LMBR1: variants seen among roughly 807,000 people sequenced by gnomAD.
LMBR1 encodes limb development membrane protein 1.
In LMBR1, 52 loss-of-function variants were observed where a neutral mutation model predicts 73.9. That is an observed-to-expected ratio of 0.70 (90% confidence interval 0.56 to 0.89). LMBR1 has a LOEUF of 0.89. LMBR1 is among the 40% of genes least tolerant of loss of function. The pLI is 0.00. For missense variants in LMBR1, 539 were observed against 579.8 expected, an observed-to-expected ratio of 0.93 and a Z score of 0.72; for synonymous variants, 215 against 209.4, an observed-to-expected ratio of 1.03 and a Z score of -0.23.
intron 4 of LMBR1, among the ~76,000 whole-genome samples, chr7:156,800,448 A>G (rs1830744372): frequency 6.9e-6 from 1 of 145,476 alleles, no homozygotes; most frequent in Non-Finnish European, 1.5e-5. Context: ...ATGGTTTACT[A>G]AATAGTTTAA....
chr7:156,885,867 C>T (rs1481337117), intron 1 of LMBR1, among the ~76,000 whole-genome samples: 1 of 150,244 alleles, frequency 6.7e-6, no homozygotes, highest in African/African-American at 2.5e-5. Flanking sequence ...GACAGAGACT[C>T]CATATCATAA....
At chr7:156,746,247 T>C (rs1431381436) in intron 9 of LMBR1, among the ~76,000 whole-genome samples, 2 of 152,210 alleles carry the variant, frequency 1.3e-5, no homozygotes, top group African/African-American at 4.8e-5. Context: ...TGACTGGAAA[T>C]ACAATTCCAA....
intron 5 of LMBR1, among the ~76,000 whole-genome samples, chr7:156,770,596 A>C (rs1824994741): frequency 6.6e-6 from 1 of 152,222 alleles, no homozygotes; most frequent in Non-Finnish European, 1.5e-5. Context: ...GGAACAACAA[A>C]ATAAATCCTA....
rs368701468 is a variant in LMBR1, at chr7:156,839,720, C to G, written c.67-2835G>C. ...TACTAGCTGTGTGCCAAAGCTCTCC[C>G]AATACACAAGGGAGAGAAACAGAAG... On this transcript the variant is annotated intron_variant, in intron 1 of 16. Coordinates refer to ENST00000353442, the MANE Select transcript of LMBR1 (RefSeq NM_022458.4). 3.9e-5 allele frequency among the ~76,000 whole-genome samples: 6 copies of G among 152,226 alleles called. No homozygotes were observed. The South Asian group carries it at 1.2e-3, about 32-fold the overall frequency.
chr7:156,685,157 T>A lies in LMBR1; in HGVS notation c.1388-994A>T, dbSNP rs933723059. ...AGGTATTTCACAGAATAAAAAACTA[T>A]CACTATCTTTTAAAGTTACATTTAT... On this transcript the variant is annotated intron_variant, in intron 16 of 16. Coordinates refer to ENST00000353442, the MANE Select transcript of LMBR1 (RefSeq NM_022458.4). The surrounding 1 kb of genome is among the most constrained non-coding windows in gnomAD (Gnocchi z 4.1). 6.2e-4 allele frequency among the ~76,000 whole-genome samples: 95 copies of A among 152,220 alleles called. No individual in the cohort carries two copies. The highest frequency in any genetic ancestry group is 2.2e-3 in the African/African-American group (91 of 41,522).
At chr7:156,772,326 A>T (rs901382174) in intron 5 of LMBR1, among the ~76,000 whole-genome samples, 3 of 152,148 alleles carry the variant, frequency 2.0e-5, no homozygotes, top group African/African-American at 7.2e-5. Flanking sequence ...CTTTCTATAA[A>T]ATTCAACATC....
intron 15 of LMBR1, 32 bp from the exon 16 acceptor site, chr7:156,688,223 A>G: frequency 1.3e-6 from 2 of 1,495,872 alleles, no homozygotes; most frequent in Non-Finnish European, 9.1e-7. Context: ...GCCCTTAATG[A>G]AATCAGGTTA....
At chr7:156,861,704 T>C (rs893890775) in intron 1 of LMBR1, among the ~76,000 whole-genome samples, 5 of 152,236 alleles carry the variant, frequency 3.3e-5, no homozygotes, top group African/African-American at 9.6e-5. Flanking sequence ...CTTAGAAATT[T>C]CTTCCACCAG....
At chr7:156,710,184 C>A (rs1051122089) in intron 15 of LMBR1, among the ~76,000 whole-genome samples, 1 of 152,068 alleles carries the variant, frequency 6.6e-6, no homozygotes, top group Non-Finnish European at 1.5e-5. Flanking sequence ...GGATTACAGG[C>A]ATGAGCCACC....
chr7:156,740,527 G>A (rs566520414), intron 9 of LMBR1, among the ~76,000 whole-genome samples: 3 of 152,150 alleles, frequency 2.0e-5, no homozygotes, highest in African/African-American at 4.8e-5. Context: ...ATCCAATGGC[G>A]CTCCAATCCA....
intron 4 of LMBR1, among the ~76,000 whole-genome samples, chr7:156,808,958 CGTT>C (rs1235233811): frequency 7.9e-5 from 12 of 152,174 alleles, no homozygotes; most frequent in Admixed American, 7.9e-4. Context: ...TGTGTGTTAT[CGTT>C]GTCATATAAC....
intron 9 of LMBR1, among the ~76,000 whole-genome samples, chr7:156,740,315 G>C (rs981897041): frequency 2.6e-5 from 4 of 152,194 alleles, no homozygotes; most frequent in African/African-American, 7.2e-5. Flanking sequence ...CAGAGAAAGA[G>C]AGAGAGGTAG....
intron 1 of LMBR1, among the ~76,000 whole-genome samples, chr7:156,877,532 C>T (rs971061181): frequency 1.3e-5 from 2 of 152,086 alleles, no homozygotes; most frequent in South Asian, 2.1e-4. Flanking sequence ...AAAAACATAT[C>T]AAAAAGGTAA....
chr7:156,773,893 A>G (rs1825657541), intron 5 of LMBR1, among the ~76,000 whole-genome samples: 1 of 152,156 alleles, frequency 6.6e-6, no homozygotes, highest in Admixed American at 6.5e-5. Context: ...AGCAAGAAAC[A>G]AGCAAACAAA....
At chr7:156,825,851 T>C (rs1195998128) in intron 4 of LMBR1, among the ~76,000 whole-genome samples, 1 of 152,232 alleles carries the variant, frequency 6.6e-6, no homozygotes, top group Admixed American at 6.5e-5. Context: ...GACAGTGGCT[T>C]TCCCAAAGAC....
chr7:156,889,976 C>G (rs1802607763), intron 1 of LMBR1, among the ~76,000 whole-genome samples: 3 of 152,084 alleles, frequency 2.0e-5, no homozygotes, highest in Admixed American at 2.0e-4. Flanking sequence ...TGCACGACAG[C>G]CTGGTCAACA....
rs963746803 is a variant in LMBR1 at position 156,669,593 on chromosome 7, G to A, written n.867-306C>T. ...ACCCCTGTGAGGCCCTGAGCTGGGC[G>A]CTGAGCAGATAGGTCATTTTCAAGA... On this transcript the variant is annotated intron_variant and non_coding_transcript_variant, in intron 4 of 4. Coordinates refer to the LMBR1 transcript ENST00000430825. This position sits in a 1 kb window ranked among gnomAD's most constrained non-coding sequence, Gnocchi z 4.2. 9.2e-5 allele frequency among the ~76,000 whole-genome samples: 14 copies of A among 152,270 alleles called. No homozygotes were observed. Among genetic ancestry groups the A allele is most frequent in the Admixed American group, 2.0e-4 (3 of 15,298 alleles).
chr7:156,781,613 C>T (rs376087899), intron 5 of LMBR1, among the ~76,000 whole-genome samples: 32 of 152,218 alleles, frequency 2.1e-4, no homozygotes, highest in African/African-American at 7.2e-4. Flanking sequence ...TCAAGGGATA[C>T]AAATCACCCT....
At chr7:156,700,490 A>G (rs892047161) in intron 15 of LMBR1, among the ~76,000 whole-genome samples, 1 of 152,106 alleles carries the variant, frequency 6.6e-6, no homozygotes, top group Non-Finnish European at 1.5e-5. Flanking sequence ...ACGTGTATAC[A>G]TATGTAACAA....
Sources: gnomAD v4.1 joint callset for allele counts (sites outside exome capture counted in the v4.1 genomes callset) on GRCh38, gnomAD v4.1.1 for gene constraint, Gnocchi (gnomAD v3.1) non-coding constraint, MANE v1.5 for transcripts, NCBI Gene and HGNC (gene_info 2026-07-23, HGNC 2026-07-21) for gene names.